The following KLHL1 variants were observed in gnomAD, a reference collection of about 807,000 sequenced individuals.
The protein encoded by KLHL1 is kelch-like protein 1.
KLHL1 carries 47 observed loss-of-function variants against 77.7 expected under a neutral mutation model. The observed-to-expected ratio is 0.60, with a 90% CI of 0.48 to 0.77. KLHL1 has a LOEUF of 0.77. Ranked by LOEUF, KLHL1 falls within the 30% of genes least tolerant of loss-of-function variation. The pLI is 0.00. For synonymous variants in KLHL1, 360 were observed against 325.2 expected (o/e 1.11, Z -1.15); for missense variants, 925 against 910.8 (o/e 1.02, Z -0.20).
At chr13:69,816,361 A>G (rs1054487894) in intron 6 of KLHL1, among the ~76,000 whole-genome samples, 15 of 151,614 alleles carry the variant, frequency 9.9e-5, no homozygotes, top group Non-Finnish European at 2.1e-4. Context: ...CCCAGGCTCA[A>G]GTGATTCTTC....
At chr13:69,962,958 A>G (rs1884111874) in intron 2 of KLHL1, among the ~76,000 whole-genome samples, 1 of 152,172 alleles carries the variant, frequency 6.6e-6, no homozygotes, top group Non-Finnish European at 1.5e-5. Context: ...ACTAAGTCAC[A>G]AGGCTTATTC....
At chr13:69,737,283 G>C (rs1457987342) in intron 8 of KLHL1, among the ~76,000 whole-genome samples, 1 of 152,240 alleles carries the variant, frequency 6.6e-6, no homozygotes, top group Non-Finnish European at 1.5e-5. Context: ...GCAGCTGCTG[G>C]AGCAGGCACT....
chr13:69,893,388 C>T (rs1470113626), intron 4 of KLHL1, among the ~76,000 whole-genome samples: 9 of 151,810 alleles, frequency 5.9e-5, no homozygotes, highest in Admixed American at 4.6e-4. Flanking sequence ...GCGCCCGCCA[C>T]CGCGCCTGGC....
At chr13:70,057,912 T>A (rs953653398) in intron 1 of KLHL1, among the ~76,000 whole-genome samples, 2 of 151,216 alleles carry the variant, frequency 1.3e-5, no homozygotes, top group African/African-American at 4.9e-5. Context: ...CACATTAAAA[T>A]GATAATTCAC....
chr13:69,828,394 A>G (rs182377439), intron 6 of KLHL1, among the ~76,000 whole-genome samples: 20 of 150,378 alleles, frequency 1.3e-4, no homozygotes, highest in Non-Finnish European at 2.5e-4. Flanking sequence ...CACTCTCAGT[A>G]CCCAGAGAAA....
chr13:70,088,679 G>A (rs1370333253), intron 1 of KLHL1, among the ~76,000 whole-genome samples: 1 of 151,974 alleles, frequency 6.6e-6, no homozygotes, highest in Non-Finnish European at 1.5e-5. Flanking sequence ...GCAAGACCCT[G>A]TCTCATAAAC....
intron 6 of KLHL1, among the ~76,000 whole-genome samples, chr13:69,817,571 G>A (rs1045745792): frequency 9.2e-5 from 14 of 152,206 alleles, no homozygotes; most frequent in Non-Finnish European, 1.9e-4. Flanking sequence ...TTCTCTGCAA[G>A]TCTGTATCAT....
rs577615938 is a variant in KLHL1, at chr13:69,707,295, A to G, written c.2187+330T>C. On this transcript the variant is annotated intron_variant, in intron 10 of 10. Transcript: ENST00000377844. ...TATATTGTTTCTAAAACCAAACATTATAAGTTAAGGTTTTGTGAACCAATA... is the reference window on the plus strand; with the variant it reads ...TATATTGTTTCTAAAACCAAACATTGTAAGTTAAGGTTTTGTGAACCAATA... Among the ~76,000 whole-genome samples the G allele has an allele frequency of 2.0e-5, 3 of 152,132 alleles. No individual in the cohort carries two copies. In the South Asian group the frequency reaches 6.2e-4, roughly 32 times the overall value.
chr13:69,820,041 C>T (rs1878271844), intron 6 of KLHL1, among the ~76,000 whole-genome samples: 1 of 152,148 alleles, frequency 6.6e-6, no homozygotes, highest in Non-Finnish European at 1.5e-5. Context: ...AATCTTGATT[C>T]TCCTTTAGCC....
chr13:69,746,686 T>C (rs898921817), intron 7 of KLHL1, among the ~76,000 whole-genome samples: 1 of 152,002 alleles, frequency 6.6e-6, no homozygotes, highest in Non-Finnish European at 1.5e-5. Flanking sequence ...CTTTTCCCCG[T>C]GTGTCACCTT....
Position 69,912,710 on chromosome 13 carries a change from G to A in KLHL1, c.1014+27330C>T, listed in dbSNP as rs143405041. Among the ~76,000 whole-genome samples the A allele has an allele frequency of 1.0e-3, 158 of 152,174 alleles. 1 individual carries two copies. The highest frequency in any genetic ancestry group is 6.4e-3 in the East Asian group (33 of 5,150). Reference sequence around the variant, plus strand: ...CCCAGCTCCATTAGGCCAAGTCACCGCCAGACTCTGCCCCTTATCTCAACT... The same window carrying A: ...CCCAGCTCCATTAGGCCAAGTCACCACCAGACTCTGCCCCTTATCTCAACT... On this transcript the variant is annotated intron_variant, in intron 4 of 10. Transcript: ENST00000377844.
intron 1 of KLHL1, among the ~76,000 whole-genome samples, chr13:70,083,542 G>A (rs4883857): frequency 0.26 from 39,583 of 151,984 alleles, 5,397 homozygotes; most frequent in Admixed American, 0.31. Flanking sequence ...AGACTTTGTA[G>A]ATTAACTCTG....
At chr13:69,957,552 T>C (rs992204250) in intron 3 of KLHL1, among the ~76,000 whole-genome samples, 3 of 151,724 alleles carry the variant, frequency 2.0e-5, no homozygotes, top group Admixed American at 6.6e-5. Flanking sequence ...ATAGTTTACA[T>C]TGTGTCTTTT....
At chr13:69,885,826 G>C (rs1163217378) in intron 4 of KLHL1, among the ~76,000 whole-genome samples, 1 of 152,172 alleles carries the variant, frequency 6.6e-6, no homozygotes, top group Non-Finnish European at 1.5e-5. Flanking sequence ...CGTAGAAAAA[G>C]TGCAATTATC....
intron 5 of KLHL1, among the ~76,000 whole-genome samples, chr13:69,852,243 C>T (rs1036342471): frequency 7.2e-5 from 11 of 151,986 alleles, no homozygotes; most frequent in South Asian, 4.1e-4. Flanking sequence ...ACACTCCATC[C>T]GGAATAGGTA....
Position 69,750,622 on chromosome 13 carries a change from CTGTG to C in KLHL1, c.1640-10070_1640-10067del, listed in dbSNP as rs547544197. On this transcript the variant is annotated intron_variant, in intron 7 of 10. Coordinates refer to ENST00000377844, the MANE Select transcript of KLHL1 (RefSeq NM_020866.3). ...AAGCACTCTATATAAATTTCTATAT[CTGTG>C]TAAGTACTATGGAAATATTAACAGA... is the stretch of plus-strand genomic sequence containing the variant. 1.1e-4 allele frequency among the ~76,000 whole-genome samples: 17 copies of C among 151,844 alleles called. No individual in the cohort carries two copies. The East Asian group carries it at 2.9e-3, about 26-fold the overall frequency.
At chr13:69,740,277 A>G (rs2137928959) in intron 8 of KLHL1, 117 bp downstream of exon 8, 2 of 726,712 alleles carry the variant, frequency 2.8e-6, no homozygotes, top group Admixed American at 6.0e-5. Flanking sequence ...TAAAAATATC[A>G]ACAGCTTAAA....
intron 5 of KLHL1, among the ~76,000 whole-genome samples, chr13:69,850,408 T>G (rs1265673373): frequency 6.6e-6 from 1 of 151,520 alleles, no homozygotes; most frequent in Non-Finnish European, 1.5e-5. Context: ...CTTAGCAAAG[T>G]TCTTTATCTC....
At chr13:69,703,461 T>G (rs1031284238) in intron 10 of KLHL1, among the ~76,000 whole-genome samples, 2 of 149,124 alleles carry the variant, frequency 1.3e-5, no homozygotes, top group Non-Finnish European at 3.0e-5. Context: ...AAAAAAAAAA[T>G]TACAGTAAGC....
Sources: allele counts gnomAD v4.1 joint callset (sites outside exome capture counted in the v4.1 genomes callset), GRCh38; gene constraint gnomAD v4.1.1; transcripts MANE v1.5; gene names NCBI Gene and HGNC (gene_info 2026-07-23, HGNC 2026-07-21).